VAV3: variants seen among roughly 807,000 people sequenced by gnomAD.
VAV3 encodes the protein guanine nucleotide exchange factor VAV3.
Under a neutral mutation model 131.2 loss-of-function variants are expected in VAV3, and 94 were observed. That is an observed-to-expected ratio of 0.72 (90% CI 0.61 to 0.85). The LOEUF (loss-of-function observed/expected upper bound fraction) is 0.85, where lower values mean the gene tolerates loss of function less well. Ranked by LOEUF, VAV3 falls within the 40% of genes least tolerant of loss-of-function variation. The pLI, the probability that VAV3 is intolerant of heterozygous loss-of-function variation, is 0.00. For synonymous variants in VAV3, 349 were observed against 342.0 expected (o/e 1.02, Z -0.22); for missense variants, 939 against 1,002.7 (o/e 0.94, Z 0.86).
At chr1:107,735,403 A>T (rs563083461) in intron 15 of VAV3, among the ~76,000 whole-genome samples, 1 of 152,342 alleles carries the variant, frequency 6.6e-6, no homozygotes, top group Non-Finnish European at 1.5e-5. Flanking sequence ...CCTTCAAAAA[A>T]TCAACGAATC....
chr1:107,782,590 A>G (rs1665751259), intron 2 of VAV3, among the ~76,000 whole-genome samples: 1 of 152,228 alleles, frequency 6.6e-6, no homozygotes. Context: ...GACAGCATGC[A>G]GTGTATCCCA....
chr1:107,911,050 A>G (rs755824199), intron 1 of VAV3, among the ~76,000 whole-genome samples: 3 of 152,106 alleles, frequency 2.0e-5, no homozygotes, highest in Non-Finnish European at 4.4e-5. Flanking sequence ...TCTATTCAAC[A>G]CCACCAGACA....
intron 2 of VAV3, among the ~76,000 whole-genome samples, chr1:107,837,107 A>C (rs549248160): frequency 2.8e-4 from 42 of 152,174 alleles, no homozygotes; most frequent in East Asian, 2.1e-3. Context: ...ATGGGCAAAA[A>C]AAAACAAAAC....
At chr1:107,939,902 C>A (rs345300) in intron 1 of VAV3, among the ~76,000 whole-genome samples, 101,624 of 151,822 alleles carry the variant, frequency 0.67, 35,404 homozygotes, top group Middle Eastern at 0.84. Context: ...TAAGACAGGA[C>A]AGGTAGAGAA....
chr1:107,626,474 C>A lies in VAV3; in HGVS notation c.1915-8842G>T, dbSNP rs889088283. 2.0e-5 allele frequency among the ~76,000 whole-genome samples: 3 copies of A among 152,162 alleles called. No individual in the cohort carries two copies. In the East Asian group the frequency reaches 5.8e-4, roughly 29 times the overall value. On this transcript the variant is annotated intron_variant, in intron 20 of 26. Coordinates refer to ENST00000370056, the MANE Select transcript of VAV3 (RefSeq NM_006113.5). ...TGTCAAAATCAAGGTCTCATGATTA[C>A]AGGACATACTAATGCCGACTGAGCC... is the stretch of plus-strand genomic sequence containing the variant.
intron 20 of VAV3, among the ~76,000 whole-genome samples, chr1:107,627,599 C>T (rs1161931830): frequency 6.6e-6 from 1 of 152,138 alleles, no homozygotes; most frequent in Non-Finnish European, 1.5e-5. Context: ...AATCATTATA[C>T]CCAAATACAC....
At chr1:107,933,295 T>C (rs1673544756) in intron 1 of VAV3, among the ~76,000 whole-genome samples, 1 of 151,790 alleles carries the variant, frequency 6.6e-6, no homozygotes. Flanking sequence ...TTTTTTTTTT[T>C]CCAGTACAAA....
chr1:107,834,408 T>C (rs1348906006), intron 2 of VAV3, among the ~76,000 whole-genome samples: 1 of 152,022 alleles, frequency 6.6e-6, no homozygotes, highest in Non-Finnish European at 1.5e-5. Flanking sequence ...AAATGTTCCA[T>C]TGCATAAAAT....
At chr1:107,709,715 C>G (rs1419186795) in intron 15 of VAV3, among the ~76,000 whole-genome samples, 1 of 152,146 alleles carries the variant, frequency 6.6e-6, no homozygotes, top group Non-Finnish European at 1.5e-5. Context: ...CTCATGGGAT[C>G]TGATGGTTTT....
intron 19 of VAV3, chr1:107,669,214 T>C (rs1360571991): frequency 2.6e-6 from 3 of 1,168,870 alleles, no homozygotes; most frequent in Non-Finnish European, 3.2e-6. Context: ...TCCAAAGTAC[T>C]TTGAATTAAA....
chr1:107,772,662 A>G (rs1055386104), intron 5 of VAV3, 73 bp downstream of exon 5: 93 of 1,301,022 alleles, frequency 7.1e-5, no homozygotes, highest in Non-Finnish European at 8.9e-5. Context: ...CAGATGTTAC[A>G]TAAATTATTA....
intron 1 of VAV3, among the ~76,000 whole-genome samples, chr1:107,941,254 T>C (rs1362542447): frequency 6.6e-6 from 1 of 152,202 alleles, no homozygotes. Flanking sequence ...CTGAGTCCCA[T>C]GTTTCTAGTA....
At chr1:107,640,906 GA>G (rs1197950993) in intron 20 of VAV3, among the ~76,000 whole-genome samples, 8 of 152,168 alleles carry the variant, frequency 5.3e-5, no homozygotes, top group Admixed American at 5.2e-4. Context: ...TGAGCCAGTG[GA>G]GAGAATGAAG....
intron 19 of VAV3, among the ~76,000 whole-genome samples, chr1:107,645,614 ACACT>A (rs1489486139): frequency 1.3e-5 from 2 of 152,094 alleles, no homozygotes; most frequent in African/African-American, 4.8e-5. Flanking sequence ...GAATGTGAAC[ACACT>A]CACATTAACT....
chr1:107,796,615 A>G (rs1159146027), intron 2 of VAV3, among the ~76,000 whole-genome samples: 1 of 152,076 alleles, frequency 6.6e-6, no homozygotes, highest in African/African-American at 2.4e-5. Context: ...CTTTAAAAAT[A>G]TATGAATCTG....
At chr1:107,648,009 A>T (rs1053533493) in intron 19 of VAV3, among the ~76,000 whole-genome samples, 8 of 151,996 alleles carry the variant, frequency 5.3e-5, no homozygotes, top group African/African-American at 1.9e-4. Flanking sequence ...AGTAAAAGGA[A>T]CCACGGCATA....
chr1:107,731,762 A>C (rs1184742866), intron 15 of VAV3, among the ~76,000 whole-genome samples: 2 of 152,172 alleles, frequency 1.3e-5, no homozygotes, highest in African/African-American at 4.8e-5. Context: ...TGTACGAAAG[A>C]CTCAAGCAGT....
chr1:107,701,393 C>T (rs2101831942), intron 17 of VAV3, among the ~76,000 whole-genome samples: 1 of 152,318 alleles, frequency 6.6e-6, no homozygotes, highest in African/African-American at 2.4e-5. Context: ...CAGCTGGGAA[C>T]ACAGGGCACC....
At chr1:107,673,353 T>C (rs1657960841) in intron 19 of VAV3, among the ~76,000 whole-genome samples, 1 of 152,168 alleles carries the variant, frequency 6.6e-6, no homozygotes, top group African/African-American at 2.4e-5. Flanking sequence ...TTCCATTCTC[T>C]TTGTGAATGG....
Sources: allele counts gnomAD v4.1 joint callset (sites outside exome capture counted in the v4.1 genomes callset), GRCh38; gene constraint gnomAD v4.1.1; transcripts MANE v1.5; gene names NCBI Gene and HGNC (gene_info 2026-07-23, HGNC 2026-07-21).